RALGPS1: variants seen among roughly 807,000 people sequenced by gnomAD.
RALGPS1 encodes ras-specific guanine nucleotide-releasing factor RalGPS1.
RALGPS1 carries 19 observed loss-of-function variants against 78.8 expected under a neutral mutation model. That is an observed-to-expected ratio of 0.24 (90% confidence interval 0.17 to 0.35). The LOEUF (loss-of-function observed/expected upper bound fraction) is 0.35, where lower values mean the gene tolerates loss of function less well. Ranked by LOEUF, RALGPS1 falls within the 10% of genes least tolerant of loss-of-function variation. The pLI, the probability that RALGPS1 is intolerant of heterozygous loss-of-function variation, is 1.00. For synonymous variants in RALGPS1, 228 were observed against 256.3 expected (o/e 0.89, Z 1.06); for missense variants, 454 against 688.3 (o/e 0.66, Z 3.81).
At chr9:126,917,919 G>A (rs1340587166) in intron 1 of RALGPS1, among the ~76,000 whole-genome samples, 2 of 152,164 alleles carry the variant, frequency 1.3e-5, no homozygotes, top group East Asian at 1.9e-4. Flanking sequence ...TTAGCATGCC[G>A]TCATCTTTTC....
In RALGPS1 at chr9:126,952,736, C is replaced by T. The variant is rs112664968; in HGVS notation, c.-65-9489C>T. Among the ~76,000 whole-genome samples, 36 of 151,498 alleles carry T rather than the reference C, an allele frequency of 2.4e-4. No individual in the cohort carries two copies. The East Asian group carries it at 3.5e-3, about 15-fold the overall frequency. On this transcript the variant is annotated intron_variant, in intron 1 of 18. Transcript: ENST00000259351. The stretch of plus-strand genomic sequence containing the variant: ...ATGCGTGCATGTGCCTGTGTGCACA[C>T]GTGTACACTTACTGTTCATGGAGTA...
intron 4 of RALGPS1, among the ~76,000 whole-genome samples, chr9:127,020,049 GATTCCTGT>G (rs2045295874): frequency 6.6e-6 from 1 of 152,066 alleles, no homozygotes; most frequent in African/African-American, 2.4e-5. Context: ...AACATTAGCT[GATTCCTGT>G]ATTTCTTAGC....
chr9:127,168,718 A>T lies in RALGPS1; in HGVS notation c.788A>T (p.Lys263Met). Residue 263 changes from lysine (K) to methionine (M), a missense_variant, in exon 10 of 19, where the codon AAG becomes ATG. Transcript: ENST00000259351. ...CTGCCCCATGTGCAGAAGTACCTGA[A>T]GTCCGTACGCTACATTGAAGAGCTC... ...TTLPHVQKYL[K>M]SVRYIEELQK... The T allele has an allele frequency of 6.2e-7, 1 of 1,613,920 alleles. No individual in the cohort carries two copies. Among genetic ancestry groups the T allele is most frequent in the Non-Finnish European group, 8.5e-7 (1 of 1,179,790 alleles).
At position 127,218,332 on chromosome 9, in the gene RALGPS1, C is replaced by T. The variant is rs1048701326; in HGVS notation, c.1645-408C>T. Among the ~76,000 whole-genome samples the T allele has an allele frequency of 1.1e-4, 17 of 152,328 alleles. No individual in the cohort carries two copies. In the Middle Eastern group the frequency reaches 0.01, roughly 91 times the overall value. ...AGCCACCCACCCTCTGCACACACCT[C>T]AGGCCTTCAGGATTTGTCTCTCTGC... On this transcript the variant is annotated intron_variant, in intron 18 of 18. Coordinates refer to ENST00000259351, the MANE Select transcript of RALGPS1 (RefSeq NM_014636.3). The surrounding 1 kb of genome is among the most constrained non-coding windows in gnomAD (Gnocchi z 4.4).
chr9:127,171,239 A>G (rs1421853506), intron 10 of RALGPS1, among the ~76,000 whole-genome samples: 1 of 152,206 alleles, frequency 6.6e-6, no homozygotes, highest in Non-Finnish European at 1.5e-5. Context: ...ATGCATAGAA[A>G]ATGTGTATAT....
At chr9:127,208,130 G>A (rs1375404843) in intron 14 of RALGPS1, among the ~76,000 whole-genome samples, 1 of 152,202 alleles carries the variant, frequency 6.6e-6, no homozygotes, top group Non-Finnish European at 1.5e-5. Context: ...AGAGGCAGCT[G>A]CTCTTCAGTG....
At chr9:127,078,562 G>T (rs979264131) in intron 8 of RALGPS1, among the ~76,000 whole-genome samples, 2 of 152,134 alleles carry the variant, frequency 1.3e-5, no homozygotes, top group South Asian at 4.2e-4. Flanking sequence ...AGGAAAACAT[G>T]TGGGGGCCAA....
rs113969504 is a variant in RALGPS1, at chr9:127,212,167, C to T, written c.1284C>T (p.Ser428=). The T allele has an allele frequency of 6.0e-4, 969 of 1,613,826 alleles. 2 individuals are homozygous for T. The African/African-American group carries it at 0.011, about 19-fold the overall frequency. ...TGPCICSLGN[S]AAVPTMEGPL... ...CGTGCATCTGTTCTCTGGGGAACTC[C>T]GCAGCTGTGCCCACCATGGAGGGGC... is the stretch of plus-strand genomic sequence containing the variant. The change falls in exon 15 of 19, where the codon TCC becomes TCT. Residue 428 remains serine (S), a synonymous_variant. Coordinates refer to ENST00000259351, the MANE Select transcript of RALGPS1 (RefSeq NM_014636.3). This position sits in a 1 kb window ranked among gnomAD's most constrained non-coding sequence, Gnocchi z 6.0.
chr9:127,167,390 G>C (rs2059347584), intron 9 of RALGPS1, among the ~76,000 whole-genome samples: 1 of 152,214 alleles, frequency 6.6e-6, no homozygotes, highest in African/African-American at 2.4e-5. Flanking sequence ...ATTGATACTT[G>C]TTGTTCCATT....
rs765226289 is a variant in RALGPS1 at position 127,183,868 on chromosome 9, C to T, written c.910+9086C>T. The T allele has an allele frequency of 3.0e-5, 46 of 1,547,758 alleles. No homozygotes were observed. Among genetic ancestry groups the T allele is most frequent in the Non-Finnish European group, 3.5e-5 (40 of 1,146,278 alleles). ...TTTCACATCTCCTTTGTTCTTGAGT[C>T]TCCCATCTCAGCAGCCTGTCACATC... On this transcript the variant is annotated intron_variant, in intron 11 of 18. Transcript: ENST00000259351. The surrounding 1 kb of genome is among the most constrained non-coding windows in gnomAD (Gnocchi z 4.0).
chr9:127,075,743 G>T (rs2037386695), intron 8 of RALGPS1, among the ~76,000 whole-genome samples: 1 of 152,212 alleles, frequency 6.6e-6, no homozygotes, highest in Non-Finnish European at 1.5e-5. Flanking sequence ...GACCGTGAAT[G>T]CTGCTTCAGC....
chr9:127,145,988 A>G (rs1035452891), intron 8 of RALGPS1, among the ~76,000 whole-genome samples: 24 of 152,236 alleles, frequency 1.6e-4, no homozygotes, highest in African/African-American at 5.3e-4. Flanking sequence ...TAAGCCACAC[A>G]AAAGCAGGAA....
chr9:127,160,730 T>G (rs1338565109), intron 8 of RALGPS1, among the ~76,000 whole-genome samples: 1 of 152,198 alleles, frequency 6.6e-6, no homozygotes, highest in Non-Finnish European at 1.5e-5. Flanking sequence ...CTCCAGCCCC[T>G]AGCACTGCTG....
chr9:127,167,277 G>C (rs556633621), intron 9 of RALGPS1, among the ~76,000 whole-genome samples: 2 of 152,340 alleles, frequency 1.3e-5, no homozygotes, highest in East Asian at 1.9e-4. Context: ...CAGGGTGGGG[G>C]TTCCCACACT....
chr9:126,960,509 C>G (rs770091062), intron 1 of RALGPS1, among the ~76,000 whole-genome samples: 39 of 151,994 alleles, frequency 2.6e-4, no homozygotes, highest in Non-Finnish European at 2.1e-4. Flanking sequence ...GCTGGGATTA[C>G]AGGTGTGAGC....
At chr9:127,153,162 C>G (rs1025850576) in intron 8 of RALGPS1, among the ~76,000 whole-genome samples, 9 of 152,152 alleles carry the variant, frequency 5.9e-5, no homozygotes, top group Admixed American at 5.2e-4. Flanking sequence ...GGGCTGGAAT[C>G]CTACCATTGT....
chr9:127,168,824 T>C, intron 10 of RALGPS1, 52 bp downstream of exon 10: 1 of 1,460,014 alleles, frequency 6.8e-7, no homozygotes, highest in South Asian at 1.1e-5. Flanking sequence ...CTTTTGTCCT[T>C]AGTGCTCAGG....
intron 1 of RALGPS1, among the ~76,000 whole-genome samples, chr9:126,923,652 G>C (rs959315376): frequency 1.3e-5 from 2 of 152,070 alleles, no homozygotes; most frequent in South Asian, 2.1e-4. Flanking sequence ...TTGTAACTAG[G>C]GTTAAAATTT....
At chr9:126,926,054 A>T (rs1333518778) in intron 1 of RALGPS1, among the ~76,000 whole-genome samples, 1 of 152,206 alleles carries the variant, frequency 6.6e-6, no homozygotes, top group Non-Finnish European at 1.5e-5. Context: ...TTGCTGACTC[A>T]TTTTTCATAA....
Sources: allele counts gnomAD v4.1 joint callset (sites outside exome capture counted in the v4.1 genomes callset), GRCh38; gene constraint gnomAD v4.1.1; non-coding constraint Gnocchi (gnomAD v3.1); transcripts MANE v1.5; gene names NCBI Gene and HGNC (gene_info 2026-07-23, HGNC 2026-07-21).